Variants in MAP3K20 observed in about 807,000 individuals in gnomAD.
MAP3K20 encodes the protein HCCS-4.
A neutral mutation model predicts 85.7 loss-of-function variants in MAP3K20; 40 were observed. That is an observed-to-expected ratio of 0.47 (90% CI 0.36 to 0.61). The LOEUF is 0.61. MAP3K20 is among the 20% of genes least tolerant of loss of function. MAP3K20 has a pLI of 0.00. For missense variants in MAP3K20, 817 were observed against 961.7 expected (o/e 0.85, Z 1.99); for synonymous variants, 325 against 327.7 (o/e 0.99, Z 0.09).
chr2:173,075,639 ACC>A, upstream of MAP3K20: 1 of 646,418 alleles, frequency 1.5e-6, no homozygotes, highest in South Asian at 6.8e-5. Context: ...GAGGGGGAAC[ACC>A]CCCACGGCCC....
intron 11 of MAP3K20, chr2:173,221,895 A>G: frequency 2.0e-6 from 2 of 994,036 alleles, no homozygotes; most frequent in Non-Finnish European, 2.4e-6. Context: ...CATTTTTAAA[A>G]ACTTACATTT....
chr2:173,089,281 T>C (rs1687225655), intron 1 of MAP3K20, among the ~76,000 whole-genome samples: 1 of 152,182 alleles, frequency 6.6e-6, no homozygotes, highest in Admixed American at 6.5e-5. Flanking sequence ...CACACTTGCT[T>C]TCTCTCTCCC....
intron 2 of MAP3K20, among the ~76,000 whole-genome samples, chr2:173,100,718 T>G (rs1687613850): frequency 6.6e-6 from 1 of 152,230 alleles, no homozygotes; most frequent in Non-Finnish European, 1.5e-5. Flanking sequence ...CTTGCTTTTG[T>G]GCCTTTTAGA....
chr2:173,218,297 C>A (rs527795201), intron 11 of MAP3K20, among the ~76,000 whole-genome samples: 1 of 152,178 alleles, frequency 6.6e-6, no homozygotes, highest in Non-Finnish European at 1.5e-5. Context: ...GGAGAAGCAA[C>A]CTGATATCCA....
At chr2:173,211,048 A>G (rs532617847) in intron 10 of MAP3K20, 15 of 152,348 alleles carry the variant, frequency 9.8e-5, no homozygotes, top group Non-Finnish European at 1.9e-4. Flanking sequence ...TTTAAGTAAT[A>G]TTTGTTTTTT....
intron 7 of MAP3K20, among the ~76,000 whole-genome samples, chr2:173,195,697 C>T (rs1359390396): frequency 6.6e-6 from 1 of 152,030 alleles, no homozygotes; most frequent in Admixed American, 6.6e-5. Context: ...TGATACATCC[C>T]CAAATCCAGG....
At chr2:173,217,036 A>G (rs1022180928) in intron 10 of MAP3K20, 79 bp from the exon 11 acceptor site, 16 of 1,303,682 alleles carry the variant, frequency 1.2e-5, no homozygotes, top group Non-Finnish European at 6.9e-6. Context: ...TTTTACTTTG[A>G]TTAGCATTCT....
chr2:173,256,480 AATAGATAGATAGATAGATAGATAG>A (rs56269594), intron 16 of MAP3K20, among the ~76,000 whole-genome samples: 7,217 of 149,346 alleles, frequency 0.048, 236 homozygotes, highest in Middle Eastern at 0.089. Context: ...AATTTAAAAA[AATAGATAGATAGATAGATAGATAG>A]ATAGATAGAT....
intron 11 of MAP3K20, chr2:173,221,947 G>A: frequency 1.0e-6 from 1 of 986,862 alleles, no homozygotes; most frequent in Non-Finnish European, 1.2e-6. Flanking sequence ...TTGACACGTA[G>A]TAATTCTGTG....
intron 10 of MAP3K20, chr2:173,214,371 G>C (rs1000988092): frequency 4.6e-5 from 7 of 152,204 alleles, no homozygotes; most frequent in African/African-American, 1.7e-4. Context: ...CTGTAGACCT[G>C]TGGCAACCTG....
rs1252653017 is a variant in MAP3K20 at position 173,267,396 on chromosome 2, T to C, written c.*646T>C. On this transcript the variant is annotated 3_prime_UTR_variant, in exon 20 of 20. Coordinates refer to ENST00000375213, the MANE Select transcript of MAP3K20 (RefSeq NM_016653.3). ...GCAGGTACCTCACTCATCTCATCCT[T>C]GGCTCAGCCCTGCTGGTTAGTATTT... 2 of 152,172 alleles carry C rather than the reference T, an allele frequency of 1.3e-5. No individual in the cohort carries two copies. Among genetic ancestry groups the C allele is most frequent in the Non-Finnish European group, 2.9e-5 (2 of 68,042 alleles). 9.4% of individuals were successfully genotyped at this position (152,172 alleles called of 1,614,324 possible).
chr2:173,258,655 T>G (rs1558914932), intron 16 of MAP3K20, 44 bp from the exon 17 acceptor site: 1 of 1,177,616 alleles, frequency 8.5e-7, no homozygotes. Context: ...AAAAAAAAAA[T>G]TGTTTCACTT....
chr2:173,149,158 C>A (rs1182475630), intron 2 of MAP3K20, among the ~76,000 whole-genome samples: 1 of 152,202 alleles, frequency 6.6e-6, no homozygotes, highest in African/African-American at 2.4e-5. Flanking sequence ...TGGTGCTTTA[C>A]ATGGATGTAC....
chr2:173,195,188 T>TAAA (rs34601946), intron 7 of MAP3K20, among the ~76,000 whole-genome samples: 75 of 122,804 alleles, frequency 6.1e-4, no homozygotes, highest in African/African-American at 2.0e-3. Context: ...AGCCTCTCTT[T>TAAA]AAAAAAAAAA....
At chr2:173,100,659 G>C (rs1316536613) in intron 2 of MAP3K20, among the ~76,000 whole-genome samples, 1 of 151,696 alleles carries the variant, frequency 6.6e-6, no homozygotes, top group Non-Finnish European at 1.5e-5. Context: ...CAAACTCTTA[G>C]GTATTGCCCT....
chr2:173,080,738 C>A (rs1487886383), intron 1 of MAP3K20, among the ~76,000 whole-genome samples: 1 of 152,116 alleles, frequency 6.6e-6, no homozygotes, highest in African/African-American at 2.4e-5. Flanking sequence ...TGTCCTGTTC[C>A]CAAGTTATAC....
intron 14 of MAP3K20, among the ~76,000 whole-genome samples, chr2:173,232,931 G>A (rs1684556867): frequency 1.3e-5 from 2 of 152,176 alleles, no homozygotes; most frequent in Admixed American, 1.3e-4. Flanking sequence ...ATCAGCAGCT[G>A]CCCCCAGGCA....
chr2:173,257,998 C>G (rs191422397), intron 16 of MAP3K20, among the ~76,000 whole-genome samples: 1 of 152,174 alleles, frequency 6.6e-6, no homozygotes, highest in East Asian at 1.9e-4. Context: ...CATAAGGATC[C>G]TAATTCTCAG....
chr2:173,160,129 C>T (rs1396412395), intron 2 of MAP3K20: 1 of 151,916 alleles, frequency 6.6e-6, no homozygotes, highest in Non-Finnish European at 1.5e-5. Flanking sequence ...AGGATGTATT[C>T]TATTATGGGT....
Sources: gnomAD v4.1 joint callset for allele counts (sites outside exome capture counted in the v4.1 genomes callset) on GRCh38, gnomAD v4.1.1 for gene constraint, MANE v1.5 for transcripts, NCBI Gene and HGNC (gene_info 2026-07-23, HGNC 2026-07-21) for gene names.